Variants in MMP21 observed in about 807,000 individuals in gnomAD.
MMP21 encodes the protein matrix metalloproteinase-21.
A neutral mutation model predicts 47.8 loss-of-function variants in MMP21; 40 were observed. The observed-to-expected ratio is 0.84, with a 90% CI of 0.65 to 1.09. The LOEUF is 1.09. Ranked by LOEUF, MMP21 falls within the 50% of genes least tolerant of loss-of-function variation. The pLI, the probability that MMP21 is intolerant of heterozygous loss-of-function variation, is 0.00. For synonymous variants in MMP21, 341 were observed against 318.0 expected (o/e 1.07, Z -0.77); for missense variants, 747 against 775.3 (o/e 0.96, Z 0.43).
intron 6 of MMP21, 142 bp from the exon 7 acceptor site, chr10:125,767,103 A>G (rs538502333): frequency 1.4e-6 from 1 of 715,728 alleles, no homozygotes; most frequent in Non-Finnish European, 2.2e-6. Context: ...ATGCTCTGCC[A>G]TTGCTATTTA....
intron 5 of MMP21, 124 bp downstream of exon 5, chr10:125,770,210 A>G: frequency 2.9e-6 from 3 of 1,031,952 alleles, no homozygotes; most frequent in Non-Finnish European, 4.3e-6. Context: ...CTGATGGAGC[A>G]GACAGAAATT....
At chr10:125,770,208 G>A (rs1277331110) in intron 5 of MMP21, 126 bp downstream of exon 5, 5 of 1,011,912 alleles carry the variant, frequency 4.9e-6, no homozygotes, top group South Asian at 1.5e-5. Flanking sequence ...GTCTGATGGA[G>A]CAGACAGAAA....
chr10:125,773,063 C>T lies in MMP21; in HGVS notation c.698-313G>A, dbSNP rs1024577518. 1.3e-5 allele frequency among the ~76,000 whole-genome samples: 2 copies of T among 152,244 alleles called. No individual in the cohort carries two copies. The highest frequency in any genetic ancestry group is 4.8e-5 in the African/African-American group (2 of 41,476). Reference sequence around the variant, plus strand: ...CACCCGGACAAGATCGGGGCCGGATCCTCGCCTCTGCGGAGGTCGTGAAAT... The same window carrying T: ...CACCCGGACAAGATCGGGGCCGGATTCTCGCCTCTGCGGAGGTCGTGAAAT... On this transcript the variant is annotated intron_variant, in intron 2 of 6. Coordinates refer to ENST00000368808, the MANE Select transcript of MMP21 (RefSeq NM_147191.1). This position sits in a 1 kb window ranked among gnomAD's most constrained non-coding sequence, Gnocchi z 4.8.
chr10:125,769,517 C>T (rs1380340306), intron 5 of MMP21, among the ~76,000 whole-genome samples: 6 of 152,200 alleles, frequency 3.9e-5, no homozygotes, highest in Non-Finnish European at 8.8e-5. Flanking sequence ...CCCACGGCTT[C>T]GCTTCTGCTG....
intron 6 of MMP21, 80 bp downstream of exon 6, chr10:125,767,452 T>G: frequency 7.2e-7 from 1 of 1,393,896 alleles, no homozygotes; most frequent in Non-Finnish European, 9.8e-7. Context: ...AGTACAGCTT[T>G]TAAATATGAA....
chr10:125,767,825 A>T (rs1850402975), intron 5 of MMP21, 121 bp from the exon 6 acceptor site: 2 of 1,000,598 alleles, frequency 2.0e-6, no homozygotes, highest in African/African-American at 1.6e-5. Context: ...ATTCTAGGAG[A>T]AAACGGGGCT....
intron 4 of MMP21, among the ~76,000 whole-genome samples, chr10:125,771,368 A>T (rs1310371091): frequency 6.6e-6 from 1 of 150,698 alleles, no homozygotes; most frequent in Non-Finnish European, 1.5e-5. Context: ...GAATGGGGGG[A>T]TGTGAGAACA....
Position 125,773,844 on chromosome 10 carries a change from C to G in MMP21, c.684G>C (p.Leu228=), listed in dbSNP as rs1310879753. 1.9e-6 allele frequency: 3 copies of G among 1,556,100 alleles called. No individual in the cohort carries two copies. The South Asian group carries it at 3.5e-5, about 18-fold the overall frequency. The change falls in exon 2 of 7, where the codon CTG becomes CTC. Residue 228 remains leucine, a synonymous_variant. Coordinates refer to ENST00000368808, the MANE Select transcript of MMP21 (RefSeq NM_147191.1). This position sits in a 1 kb window ranked among gnomAD's most constrained non-coding sequence, Gnocchi z 4.8. ...AAPGAAVDIK[L]GFGRGRHLGC... ...GGGTGCTCTTACCTCTCCCAAAGCC[C>G]AGCTTGATGTCGACCGCGGCCCCGG...
Position 125,766,461 on chromosome 10 carries a change from A to G in MMP21, c.*201T>C, listed in dbSNP as rs28381328. ...TAGTTTTTGTTTTTTTGTTTTTTTA[A>G]ACCTTTTAGTTTATGAATTATGTTT... On this transcript the variant is annotated 3_prime_UTR_variant, in exon 7 of 7. Coordinates refer to ENST00000368808, the MANE Select transcript of MMP21 (RefSeq NM_147191.1). 971 of 504,034 alleles carry G rather than the reference A, an allele frequency of 1.9e-3. 2 individuals are homozygous for G. Among genetic ancestry groups the G allele is most frequent in the African/African-American group, 0.017 (842 of 50,490 alleles). 31.2% of individuals were successfully genotyped at this position (504,034 alleles called of 1,614,324 possible).
intron 6 of MMP21, 147 bp downstream of exon 6, chr10:125,767,385 G>A (rs562553406): frequency 2.1e-5 from 15 of 718,952 alleles, no homozygotes; most frequent in East Asian, 8.1e-5. Flanking sequence ...TAAGCGATCC[G>A]CCCACCTTGG....
chr10:125,775,790 A>C lies in MMP21; in HGVS notation c.32T>G (p.Leu11Arg). 7 of 1,612,554 alleles carry C rather than the reference A, an allele frequency of 4.3e-6. No individual in the cohort carries two copies. The highest frequency in any genetic ancestry group is 5.9e-6 in the Non-Finnish European group (7 of 1,179,408). The change falls in exon 1 of 7, where the codon CTG becomes CGG. Residue 11 changes from leucine (L) to arginine (R), a missense_variant. Physicochemically the swap from Leu to Arg is moderately radical, Grantham distance 102. Transcript: ENST00000368808. ...GGGAGCAGCCAGCCAGCAGAGCAGC[A>C]GTGTCGGACGGAAGATGGAGGCGGC... The part of the protein sequence containing the change: MLAASIFRPT[L>R]LLCWLAAPWP...
In MMP21 at chr10:125,772,103, G is replaced by A; in HGVS notation, c.979+115C>T. 1.6e-6 allele frequency: 2 copies of A among 1,275,244 alleles called. No homozygotes were observed. Among genetic ancestry groups the A allele is most frequent in the South Asian group, 1.4e-5 (1 of 73,354 alleles). 79.0% of individuals were successfully genotyped at this position (1,275,244 alleles called of 1,614,324 possible). On this transcript the variant is annotated intron_variant, in intron 4 of 6. Transcript: ENST00000368808. The surrounding 1 kb of genome is among the most constrained non-coding windows in gnomAD (Gnocchi z 5.6). The stretch of plus-strand genomic sequence containing the variant: ...TGGCTACCCTTGGGTGACATGAGTT[G>A]TACAACGTTGCGCTCTTAGGCCCAG...
rs1312300020 is a variant in MMP21, at chr10:125,773,971, C to T, written c.557G>A (p.Ser186Asn). 6.3e-7 allele frequency: 1 copy of T among 1,576,068 alleles called. No homozygotes were observed. Among genetic ancestry groups the T allele is most frequent in the Admixed American group, 1.7e-5 (1 of 58,058 alleles). ...CTGGTCGGCCACGGACAGTTGGCTG[C>T]TCAGGGCCTCGCCCAGCAGCCGCCA... ...LSWRLLGEAL[S>N]SQLSVADQRR... Residue 186 changes from serine to asparagine, a missense_variant, in exon 2 of 7, where the codon AGC (serine) becomes AAC (asparagine). Coordinates refer to ENST00000368808, the MANE Select transcript of MMP21 (RefSeq NM_147191.1). The surrounding 1 kb of genome is among the most constrained non-coding windows in gnomAD (Gnocchi z 4.8).
intron 5 of MMP21, 75 bp downstream of exon 5, chr10:125,770,259 G>A (rs929597864): frequency 8.2e-6 from 12 of 1,469,684 alleles, no homozygotes; most frequent in African/African-American, 4.2e-5. Flanking sequence ...AGATTCCTTG[G>A]TAGGGGCTCA....
intron 5 of MMP21, 117 bp from the exon 6 acceptor site, chr10:125,767,821 G>A: frequency 9.7e-7 from 1 of 1,031,746 alleles, no homozygotes; most frequent in Non-Finnish European, 1.4e-6. Flanking sequence ...CATGATTCTA[G>A]GAGAAAACGG....
chr10:125,775,783 GAGC>G lies in MMP21; in HGVS notation c.36_38del (p.Leu13del). The G allele has an allele frequency of 6.2e-7, 1 of 1,613,102 alleles. No individual in the cohort carries two copies. The highest frequency in any genetic ancestry group is 8.5e-7 in the Non-Finnish European group (1 of 1,179,616). On this transcript the variant is annotated inframe_deletion, in exon 1 of 7. Transcript: ENST00000368808. ...TGGGCCAGGGAGCAGCCAGCCAGCA[GAGC>G]AGCAGTGTCGGACGGAAGATGGAGG...
intron 5 of MMP21, among the ~76,000 whole-genome samples, chr10:125,767,941 G>A (rs536133285): frequency 3.3e-5 from 5 of 152,210 alleles, no homozygotes; most frequent in Admixed American, 3.3e-4. Context: ...TGCTGCAGTT[G>A]GAATGCTGGT....
Position 125,766,883 on chromosome 10 carries a change from TTAC to T in MMP21, c.1486_1488del (p.Val496del), listed in dbSNP as rs1330274804. 1.2e-6 allele frequency: 2 copies of T among 1,613,260 alleles called. No individual in the cohort carries two copies. Among genetic ancestry groups the T allele is most frequent in the African/African-American group, 2.7e-5 (2 of 75,042 alleles). On this transcript the variant is annotated inframe_deletion, in exon 7 of 7. Coordinates refer to ENST00000368808, the MANE Select transcript of MMP21 (RefSeq NM_147191.1). ...TTTCTGAAAGGATGATTTTGTGGTA[TTAC>T]TGCTGGAAAAACTTCAGTAATCCTC...
intron 1 of MMP21, 148 bp downstream of exon 1, chr10:125,775,512 C>CCA (rs1293431650): frequency 7.2e-6 from 7 of 968,270 alleles, no homozygotes; most frequent in Non-Finnish European, 1.0e-5. Context: ...GCCACAGGAG[C>CCA]CACTCCTCCC....
Sources: allele counts gnomAD v4.1 joint callset (sites outside exome capture counted in the v4.1 genomes callset), GRCh38; gene constraint gnomAD v4.1.1; non-coding constraint Gnocchi (gnomAD v3.1); transcripts MANE v1.5; gene names NCBI Gene and HGNC (gene_info 2026-07-23, HGNC 2026-07-21).